Variants in CRK observed in about 807,000 individuals in gnomAD.
The protein encoded by CRK is CRK proto-oncogene, adaptor protein.
CRK carries 4 observed loss-of-function variants against 29.8 expected under a neutral mutation model. That is an observed-to-expected ratio of 0.13 (90% CI 0.07 to 0.31). The LOEUF (loss-of-function observed/expected upper bound fraction) is 0.31, where lower values mean the gene tolerates loss of function less well. Ranked by LOEUF, CRK falls within the 10% of genes least tolerant of loss-of-function variation. CRK has a pLI of 1.00. For synonymous variants in CRK, 153 were observed against 164.9 expected, an observed-to-expected ratio of 0.93 and a Z score of 0.55; for missense variants, 274 against 396.5, an observed-to-expected ratio of 0.69 and a Z score of 2.62.
intron 2 of CRK, among the ~76,000 whole-genome samples, chr17:1,425,742 G>C (rs547273586): frequency 6.6e-6 from 1 of 152,304 alleles, no homozygotes; most frequent in South Asian, 2.1e-4. Flanking sequence ...ACTTACAGAT[G>C]GAACAGCTTG....
At position 1,456,151 on chromosome 17, in the gene CRK, C is replaced by CAA; in HGVS notation, c.-35_-34insTT. On this transcript the variant is annotated 5_prime_UTR_variant, in exon 1 of 3. Transcript: ENST00000300574. The stretch of plus-strand genomic sequence containing the variant: ...CCGCGCCTAAACGCTGGGGTGCCGC[C>CAA]GCCGCGCGCGCCCCTCCGGCCCCCG... The CAA allele has an allele frequency of 2.1e-6, 3 of 1,444,554 alleles. No individual in the cohort carries two copies. Among genetic ancestry groups the CAA allele is most frequent in the Non-Finnish European group, 2.7e-6 (3 of 1,098,752 alleles). The allele number at this position is 1,444,554 out of a possible 1,614,324, so 89.5% of individuals were successfully genotyped here.
chr17:1,425,117 TC>T (rs1394227138), intron 2 of CRK, among the ~76,000 whole-genome samples: 6 of 151,600 alleles, frequency 4.0e-5, no homozygotes, highest in African/African-American at 1.5e-4. Context: ...TAAGACAGAG[TC>T]TCGATCTGTT....
At chr17:1,429,006 C>T (rs1167556871) in intron 2 of CRK, among the ~76,000 whole-genome samples, 5 of 151,702 alleles carry the variant, frequency 3.3e-5, no homozygotes, top group Non-Finnish European at 7.4e-5. Context: ...CCACCACGTC[C>T]GGCTAATTTT....
intron 2 of CRK, among the ~76,000 whole-genome samples, chr17:1,427,127 A>G (rs1435490869): frequency 4.5e-5 from 6 of 133,242 alleles, no homozygotes; most frequent in East Asian, 4.3e-4. Context: ...GTGTCTCTTG[A>G]AAAAAAAAAA....
At chr17:1,445,837 T>G in intron 1 of CRK, among the ~76,000 whole-genome samples, 1 of 152,212 alleles carries the variant, frequency 6.6e-6, no homozygotes, top group Non-Finnish European at 1.5e-5. Context: ...AAAAGCTCCC[T>G]TGCTAAGGTT....
chr17:1,429,926 A>T (rs1164387486), intron 2 of CRK, among the ~76,000 whole-genome samples: 1 of 148,308 alleles, frequency 6.7e-6, no homozygotes, highest in Non-Finnish European at 1.5e-5. Context: ...CCTGATCTCA[A>T]AAAAAAAAAA....
At chr17:1,434,990 A>T (rs370433138) in intron 2 of CRK, among the ~76,000 whole-genome samples, 83 of 152,266 alleles carry the variant, frequency 5.5e-4, no homozygotes, top group African/African-American at 1.8e-3. Context: ...TGAGAAAGGA[A>T]ATGCAAATAG....
At chr17:1,442,353 T>C (rs957017050) in intron 1 of CRK, among the ~76,000 whole-genome samples, 1 of 151,988 alleles carries the variant, frequency 6.6e-6, no homozygotes, top group Admixed American at 6.6e-5. Flanking sequence ...GGTTTTGCTA[T>C]GTTGCCCACG....
At chr17:1,447,255 AAC>A (rs1432475939) in intron 1 of CRK, among the ~76,000 whole-genome samples, 2 of 152,346 alleles carry the variant, frequency 1.3e-5, no homozygotes, top group East Asian at 1.9e-4. Context: ...GAACAGAAGC[AAC>A]GACAGGATTC....
At chr17:1,428,659 G>C (rs1305736874) in intron 2 of CRK, among the ~76,000 whole-genome samples, 1 of 150,518 alleles carries the variant, frequency 6.6e-6, no homozygotes, top group East Asian at 2.0e-4. Context: ...GAGTAGCTGG[G>C]ACTACAGGCA....
intron 1 of CRK, among the ~76,000 whole-genome samples, chr17:1,450,267 G>A (rs1343963966): frequency 3.3e-5 from 5 of 152,026 alleles, no homozygotes; most frequent in African/African-American, 9.7e-5. Context: ...CCAGCACTTT[G>A]GGAGGCCAAG....
At chr17:1,439,342 C>A (rs186930105) in intron 1 of CRK, among the ~76,000 whole-genome samples, 86 of 152,222 alleles carry the variant, frequency 5.6e-4, no homozygotes, top group Non-Finnish European at 8.2e-4. Flanking sequence ...AGTGATCCAC[C>A]CGCCTCGGCC....
chr17:1,448,932 G>C (rs1014717305), intron 1 of CRK, among the ~76,000 whole-genome samples: 1 of 152,076 alleles, frequency 6.6e-6, no homozygotes, highest in Non-Finnish European at 1.5e-5. Context: ...GTTGAGGCCA[G>C]GAGTGCAAGC....
intron 1 of CRK, among the ~76,000 whole-genome samples, chr17:1,449,800 T>C (rs1162767990): frequency 1.3e-5 from 2 of 152,178 alleles, no homozygotes; most frequent in East Asian, 3.8e-4. Context: ...TCCCAAGCTA[T>C]GGCACCACAG....
In CRK at chr17:1,423,474, AG is replaced by A. The variant is rs1431087124; in HGVS notation, c.*38del. 6.4e-7 allele frequency: 1 copy of A among 1,570,714 alleles called. No individual in the cohort carries two copies. The highest frequency in any genetic ancestry group is 8.6e-7 in the Non-Finnish European group (1 of 1,158,846). Reference sequence around the variant, plus strand: ...GATGGCAGTTGGAAAAAAAAAAAAAAGATTGTTCCCATCTGTCAGCAAAACT... The same window carrying A: ...GATGGCAGTTGGAAAAAAAAAAAAAAATTGTTCCCATCTGTCAGCAAAACT... On this transcript the variant is annotated 3_prime_UTR_variant, in exon 3 of 3. Coordinates refer to ENST00000300574, the MANE Select transcript of CRK (RefSeq NM_016823.4).
chr17:1,430,650 C>A (rs571394728), intron 2 of CRK, among the ~76,000 whole-genome samples: 106 of 149,160 alleles, frequency 7.1e-4, no homozygotes, highest in African/African-American at 2.5e-3. Context: ...CAGGCGTGAG[C>A]CACCACACCC....
At chr17:1,434,091 AG>A (rs1050688618) in intron 2 of CRK, among the ~76,000 whole-genome samples, 4 of 152,118 alleles carry the variant, frequency 2.6e-5, no homozygotes, top group Non-Finnish European at 5.9e-5. Flanking sequence ...ACAATGGCAG[AG>A]TTGGGACACA....
intron 1 of CRK, among the ~76,000 whole-genome samples, chr17:1,448,762 T>C (rs2073995249): frequency 2.0e-5 from 3 of 151,738 alleles, no homozygotes; most frequent in Non-Finnish European, 2.9e-5. Context: ...CCAGAGAAAA[T>C]TCCACAGGAT....
intron 1 of CRK, among the ~76,000 whole-genome samples, chr17:1,445,220 A>AG (rs1273465904): frequency 6.6e-6 from 1 of 152,170 alleles, no homozygotes; most frequent in African/African-American, 2.4e-5. Flanking sequence ...GCCAATGAAA[A>AG]GTCCTTCCGG....
Sources: gnomAD v4.1 joint callset for allele counts (sites outside exome capture counted in the v4.1 genomes callset) on GRCh38, gnomAD v4.1.1 for gene constraint, MANE v1.5 for transcripts, NCBI Gene and HGNC (gene_info 2026-07-23, HGNC 2026-07-21) for gene names.